ASTN2: variants seen among roughly 807,000 people sequenced by gnomAD.
The protein encoded by ASTN2 is astrotactin 2.
A neutral mutation model predicts 139.8 loss-of-function variants in ASTN2; 54 were observed. The observed-to-expected ratio is 0.39, with a 90% CI of 0.31 to 0.48. The LOEUF (loss-of-function observed/expected upper bound fraction) is 0.48. ASTN2 is among the 20% of genes least tolerant of loss of function. The probability of loss-of-function intolerance (pLI) is 0.95; values close to 1 mark genes in which losing one functional copy is unlikely to be tolerated. For synonymous variants in ASTN2, 756 were observed against 719.5 expected, an observed-to-expected ratio of 1.05 and a Z score of -0.81; for missense variants, 1,565 against 1,725.1, an observed-to-expected ratio of 0.91 and a Z score of 1.64.
chr9:117,219,358 A>G (rs183574456), intron 2 of ASTN2, among the ~76,000 whole-genome samples: 1 of 152,264 alleles, frequency 6.6e-6, no homozygotes, highest in Admixed American at 6.5e-5. Flanking sequence ...GAGCAAACAC[A>G]GGCCCAAGCA....
At chr9:117,091,555 G>A (rs559298696) in intron 5 of ASTN2, among the ~76,000 whole-genome samples, 1 of 151,494 alleles carries the variant, frequency 6.6e-6, no homozygotes, top group South Asian at 2.1e-4. Flanking sequence ...TGCCATTTAA[G>A]TGGAGGTCTC....
intron 7 of ASTN2, among the ~76,000 whole-genome samples, chr9:116,981,038 C>A (rs984253709): frequency 2.6e-5 from 4 of 152,108 alleles, no homozygotes; most frequent in Non-Finnish European, 5.9e-5. Context: ...CATCTCAGCA[C>A]CTCCTGCATT....
intron 3 of ASTN2, among the ~76,000 whole-genome samples, chr9:117,182,326 G>GACAC (rs35259944): frequency 0.012 from 1,776 of 149,226 alleles, 41 homozygotes; most frequent in African/African-American, 0.04. Flanking sequence ...CACAGACACA[G>GACAC]ACACACACAC....
chr9:116,948,785 G>GTTTTTTTTTTTTTTTTTTT lies in ASTN2; in HGVS notation c.1889+26404_1889+26422dup, dbSNP rs58832163. Reference sequence around the variant, plus strand: ...AGAGAGAGGAGAGAAATAATTTGGTGTTTTTTTTTTTTTTTTTTTTTTTTT... The same window carrying GTTTTTTTTTTTTTTTTTTT: ...AGAGAGAGGAGAGAAATAATTTGGTGTTTTTTTTTTTTTTTTTTTTTTTTTTTTTTTTTTTTTTTTTTTT... On this transcript the variant is annotated intron_variant, in intron 10 of 22. Coordinates refer to ENST00000313400, the MANE Select transcript of ASTN2 (RefSeq NM_001365068.1). Among the ~76,000 whole-genome samples, 39 of 49,470 alleles carry GTTTTTTTTTTTTTTTTTTT rather than the reference G, an allele frequency of 7.9e-4. 6 individuals carry two copies. The highest frequency in any genetic ancestry group is 1.8e-3 in the African/African-American group (21 of 11,590). The allele number at this position is 49,470 out of a possible 152,430, so 32.5% of individuals were successfully genotyped here. A position where few individuals can be genotyped will look rare whatever the true frequency, so the allele number is the denominator to read the frequency against.
At chr9:117,392,239 TG>T (rs1227354461) in intron 1 of ASTN2, among the ~76,000 whole-genome samples, 3 of 152,040 alleles carry the variant, frequency 2.0e-5, no homozygotes, top group Non-Finnish European at 4.4e-5. Flanking sequence ...AAGGTAGAGA[TG>T]GAAAGAAATA....
intron 13 of ASTN2, among the ~76,000 whole-genome samples, chr9:116,780,604 G>C (rs527960903): frequency 6.6e-5 from 10 of 152,268 alleles, no homozygotes; most frequent in Admixed American, 2.0e-4. Flanking sequence ...TGTAACTGAA[G>C]GGGGCTTAGG....
At chr9:116,816,392 A>G (rs1400231369) in intron 12 of ASTN2, among the ~76,000 whole-genome samples, 1 of 152,146 alleles carries the variant, frequency 6.6e-6, no homozygotes, top group Non-Finnish European at 1.5e-5. Context: ...TCTGTCTACC[A>G]TTCTGGTACT....
At chr9:116,536,828 G>A (rs1564352318) in intron 19 of ASTN2, among the ~76,000 whole-genome samples, 1 of 152,220 alleles carries the variant, frequency 6.6e-6, no homozygotes, top group Non-Finnish European at 1.5e-5. Context: ...GAGGCAGTCT[G>A]TCTGTTCTCA....
At chr9:116,915,895 G>A (rs148059432) in intron 10 of ASTN2, among the ~76,000 whole-genome samples, 3 of 152,320 alleles carry the variant, frequency 2.0e-5, no homozygotes, top group Admixed American at 2.0e-4. Context: ...GGTGGAAAGT[G>A]GCTTGCAGTG....
chr9:116,478,817 C>A (rs1431384985), intron 20 of ASTN2, among the ~76,000 whole-genome samples: 1 of 151,738 alleles, frequency 6.6e-6, no homozygotes, highest in East Asian at 1.9e-4. Flanking sequence ...TATGGTGAAA[C>A]CCCATCTCTA....
chr9:117,356,147 G>A (rs556527322), intron 1 of ASTN2, among the ~76,000 whole-genome samples: 2 of 152,250 alleles, frequency 1.3e-5, no homozygotes, highest in South Asian at 2.1e-4. Context: ...AAGATACAAG[G>A]TATAAGTAGT....
At chr9:116,811,642 G>A (rs903369791) in intron 12 of ASTN2, among the ~76,000 whole-genome samples, 1 of 152,136 alleles carries the variant, frequency 6.6e-6, no homozygotes, top group Non-Finnish European at 1.5e-5. Flanking sequence ...GCAGGCTTTG[G>A]TGTCATAATC....
At chr9:116,904,600 T>A (rs942432516) in intron 10 of ASTN2, among the ~76,000 whole-genome samples, 3 of 152,166 alleles carry the variant, frequency 2.0e-5, no homozygotes, top group African/African-American at 7.2e-5. Flanking sequence ...AAGGTTGGAA[T>A]CACAAAGATC....
intron 16 of ASTN2, among the ~76,000 whole-genome samples, chr9:116,706,760 A>ATT (rs60395133): frequency 0.059 from 5,207 of 88,036 alleles, 215 homozygotes; most frequent in Non-Finnish European, 0.071. Context: ...GCTGGCTAGA[A>ATT]TTTTTTTTTT....
intron 20 of ASTN2, among the ~76,000 whole-genome samples, chr9:116,481,241 A>T (rs899175382): frequency 5.3e-5 from 8 of 152,168 alleles, no homozygotes; most frequent in African/African-American, 1.9e-4. Flanking sequence ...TTAGCTGGAC[A>T]TGATGGCACA....
intron 19 of ASTN2, chr9:116,540,520 G>A (rs1433793982): frequency 1.3e-5 from 2 of 152,198 alleles, no homozygotes; most frequent in Non-Finnish European, 2.9e-5. Context: ...TGTTCACCAC[G>A]GCAGACAACT....
At chr9:116,524,641 C>A (rs1248906816) in intron 19 of ASTN2, among the ~76,000 whole-genome samples, 1 of 152,174 alleles carries the variant, frequency 6.6e-6, no homozygotes, top group Non-Finnish European at 1.5e-5. Context: ...GTTTTGTGAA[C>A]TGAAATGTTG....
At chr9:117,161,914 A>G (rs978127501) in intron 3 of ASTN2, among the ~76,000 whole-genome samples, 1 of 151,864 alleles carries the variant, frequency 6.6e-6, no homozygotes, top group Non-Finnish European at 1.5e-5. Context: ...GAGTTACTAT[A>G]TTAGTTGATT....
At chr9:116,589,512 G>A (rs1216534024) in intron 19 of ASTN2, among the ~76,000 whole-genome samples, 1 of 152,062 alleles carries the variant, frequency 6.6e-6, no homozygotes, top group Non-Finnish European at 1.5e-5. Flanking sequence ...ACAGGTCTTC[G>A]TTTTTTTCTG....
Sources: gnomAD v4.1 joint callset for allele counts (sites outside exome capture counted in the v4.1 genomes callset) on GRCh38, gnomAD v4.1.1 for gene constraint, MANE v1.5 for transcripts, NCBI Gene and HGNC (gene_info 2026-07-23, HGNC 2026-07-21) for gene names.